EME2: variants seen among roughly 807,000 people sequenced by gnomAD.
EME2 encodes the protein structure-specific endonuclease subunit EME2.
Under a neutral mutation model 41.9 loss-of-function variants are expected in EME2, and 58 were observed. That is an observed-to-expected ratio of 1.38 (90% CI 1.12 to 1.72). EME2 has a LOEUF of 1.72. Among genes scored for constraint, EME2 ranks in the 40% most tolerant of loss-of-function variants. EME2 has a pLI of 0.00. For synonymous variants in EME2, 334 were observed against 239.3 expected (o/e 1.40, Z -3.65); for missense variants, 695 against 541.9 (o/e 1.28, Z -2.81).
In EME2 at chr16:1,777,520, C is replaced by T. The variant is rs370689948; in HGVS notation, c.*1282C>T. On this transcript the variant is annotated 3_prime_UTR_variant, in exon 8 of 8. Transcript: ENST00000568449. ...TGGGCGCAGCCCCTCAGACCTCACG[C>T]TACAGTCACCCGGGTGGGCAGCTGG... is the stretch of plus-strand genomic sequence containing the variant. 2 of 1,410,742 alleles carry T rather than the reference C, an allele frequency of 1.4e-6. No homozygotes were observed. Among genetic ancestry groups the T allele is most frequent in the South Asian group, 1.4e-5 (1 of 69,022 alleles). 87.4% of individuals were successfully genotyped at this position (1,410,742 alleles called of 1,614,324 possible).
rs776343999 is a variant in EME2, at chr16:1,775,148, A to G, written c.569+16A>G. On this transcript the variant is annotated intron_variant, in intron 4 of 7. Coordinates refer to ENST00000568449, the MANE Select transcript of EME2 (RefSeq NM_001257370.2). ...CCTACCTGTGGTACCGCTCACTCTCATGCCCACAGCAGGGCTGGCTGGGAC... is the reference window on the plus strand; with the variant it reads ...CCTACCTGTGGTACCGCTCACTCTCGTGCCCACAGCAGGGCTGGCTGGGAC... The G allele has an allele frequency of 1.2e-6, 2 of 1,609,720 alleles. No homozygotes were observed. The highest frequency in any genetic ancestry group is 1.7e-5 in the Admixed American group (1 of 60,022).
At position 1,780,588 on chromosome 16, in the gene EME2, G is replaced by A. The variant is rs1249291146; in HGVS notation, c.*4350G>A. 3 of 153,152 alleles carry A rather than the reference G, an allele frequency of 2.0e-5. No individual in the cohort carries two copies. Among genetic ancestry groups the A allele is most frequent in the South Asian group, 2.0e-4 (1 of 4,912 alleles). The allele number at this position is 153,152 out of a possible 1,614,324, so 9.5% of individuals were successfully genotyped here. A position where few individuals can be genotyped will look rare whatever the true frequency, so the allele number is the denominator to read the frequency against. On this transcript the variant is annotated 3_prime_UTR_variant, in exon 8 of 8. Transcript: ENST00000568449. The stretch of plus-strand genomic sequence containing the variant: ...AGAAATTTTTACCTTCAAGGATCAG[G>A]GTTTTTCTGTTTGTTTGTTTTTTAA...
At position 1,777,484 on chromosome 16, in the gene EME2, G is replaced by C. The variant is rs1353266968; in HGVS notation, c.*1246G>C. ...CCAGCCTGAACCCCAGGCAGGGAAGGGGCCAGCTACTGGGCGCAGCCCCTC... is the reference window on the plus strand; with the variant it reads ...CCAGCCTGAACCCCAGGCAGGGAAGCGGCCAGCTACTGGGCGCAGCCCCTC... On this transcript the variant is annotated 3_prime_UTR_variant, in exon 8 of 8. Transcript: ENST00000568449. The C allele has an allele frequency of 2.1e-6, 3 of 1,457,590 alleles. No individual in the cohort carries two copies. Among genetic ancestry groups the C allele is most frequent in the African/African-American group, 2.8e-5 (2 of 70,754 alleles). The allele number at this position is 1,457,590 out of a possible 1,614,324, so 90.3% of individuals were successfully genotyped here.
Position 1,781,326 on chromosome 16 carries a change from C to T in EME2, c.*5088C>T. 1 of 1,612,868 alleles carries T rather than the reference C, an allele frequency of 6.2e-7. No individual in the cohort carries two copies. Among genetic ancestry groups the T allele is most frequent in the East Asian group, 2.2e-5 (1 of 44,884 alleles). On this transcript the variant is annotated 3_prime_UTR_variant, in exon 8 of 8. Coordinates refer to ENST00000568449, the MANE Select transcript of EME2 (RefSeq NM_001257370.2). ...CCTAGGGCATCTCCACACCTTAGGC[C>T]AGCCACGTCCGCCTCGCCCGCTGGA...
chr16:1,774,278 G>A lies in EME2; in HGVS notation c.403G>A (p.Ala135Thr), dbSNP rs1011860303. Residue 135 changes from alanine (A) to threonine (T), a missense_variant, in exon 3 of 8, where the codon GCT (alanine) becomes ACT (threonine). Coordinates refer to ENST00000568449, the MANE Select transcript of EME2 (RefSeq NM_001257370.2). ...CCCACAGCTGCCTCCTGAAGTGTGG[G>A]CTGCAGGTGAACAGGAATTGCTGCT... is the stretch of plus-strand genomic sequence containing the variant. ...CPRSLPPEVW[A>T]AGEQELLLLL... The A allele has an allele frequency of 2.5e-6, 4 of 1,612,614 alleles. No individual in the cohort carries two copies. Among genetic ancestry groups the A allele is most frequent in the African/African-American group, 2.7e-5 (2 of 74,954 alleles).
Position 1,778,586 on chromosome 16 carries a change from C to G in EME2, c.*2348C>G. 6.3e-7 allele frequency: 1 copy of G among 1,582,230 alleles called. No homozygotes were observed. Among genetic ancestry groups the G allele is most frequent in the Non-Finnish European group, 8.6e-7 (1 of 1,160,264 alleles). On this transcript the variant is annotated 3_prime_UTR_variant, in exon 8 of 8. Transcript: ENST00000568449. ...GGATGGATGGCGGCAGCGTGGAGTA[C>G]TCGGGGTCGGAGTCCGAGTCGCTGT...
At position 1,773,145 on chromosome 16, in the gene EME2, G is replaced by A; in HGVS notation, c.-83G>A. The A allele has an allele frequency of 7.2e-7, 1 of 1,393,564 alleles. No homozygotes were observed. 86.3% of individuals were successfully genotyped at this position (1,393,564 alleles called of 1,614,324 possible). A position where few individuals can be genotyped will look rare whatever the true frequency, so the allele number is the denominator to read the frequency against. On this transcript the variant is annotated 5_prime_UTR_variant, in exon 1 of 8. Transcript: ENST00000568449. ...GGCGGGTCCGCGTCCTCAGCGGTCCGGCCGGAAGTCACCGGAAGAGGCCGG... is the reference window on the plus strand; with the variant it reads ...GGCGGGTCCGCGTCCTCAGCGGTCCAGCCGGAAGTCACCGGAAGAGGCCGG...
In EME2 at chr16:1,781,181, A is replaced by G. The variant is rs1896693216; in HGVS notation, c.*4943A>G. On this transcript the variant is annotated 3_prime_UTR_variant, in exon 8 of 8. Coordinates refer to ENST00000568449, the MANE Select transcript of EME2 (RefSeq NM_001257370.2). ...GGCTGTGTGTGTCCTTTGCCAAATT[A>G]AAGAGTCTTACTGAATGCGGTGCAT... 2 of 1,538,118 alleles carry G rather than the reference A, an allele frequency of 1.3e-6. No homozygotes were observed. Among genetic ancestry groups the G allele is most frequent in the South Asian group, 1.2e-5 (1 of 84,082 alleles).
intron 3 of EME2, among the ~76,000 whole-genome samples, chr16:1,774,566 AT>A (rs1298660053): frequency 1.3e-5 from 2 of 152,232 alleles, no homozygotes; most frequent in African/African-American, 4.8e-5. Context: ...CTCCTAGAGG[AT>A]CCTGAGAAGT....
chr16:1,774,502 G>A (rs2042680106), intron 3 of EME2, 150 bp downstream of exon 3: 3 of 645,726 alleles, frequency 4.6e-6, no homozygotes, highest in Middle Eastern at 4.1e-4. Flanking sequence ...AAGCCGTAGA[G>A]GTTTCTAGGG....
In EME2 at chr16:1,778,970, A is replaced by G; in HGVS notation, c.*2732A>G. On this transcript the variant is annotated 3_prime_UTR_variant, in exon 8 of 8. Transcript: ENST00000568449. ...CTAGGCCAGCCCTGCAGGGGCCCCC[A>G]GGCAAGGCCACCACCCCCACACCAG... 4.9e-6 allele frequency: 1 copy of G among 202,962 alleles called. No homozygotes were observed. The highest frequency in any genetic ancestry group is 9.9e-6 in the Non-Finnish European group (1 of 101,260). 12.6% of individuals were successfully genotyped at this position (202,962 alleles called of 1,614,324 possible).
At position 1,775,815 on chromosome 16, in the gene EME2, G is replaced by A; in HGVS notation, c.798G>A (p.Gln266=). 1 of 1,612,588 alleles carries A rather than the reference G, an allele frequency of 6.2e-7. No individual in the cohort carries two copies. Among genetic ancestry groups the A allele is most frequent in the East Asian group, 2.2e-5 (1 of 44,876 alleles). Residue 266 remains glutamine, a synonymous_variant, in exon 7 of 8, where the codon CAG becomes CAA. Coordinates refer to ENST00000568449, the MANE Select transcript of EME2 (RefSeq NM_001257370.2). Reference sequence around the variant, plus strand: ...TCCCCAGGCAGTACCGGGAATCCCAGGCCTTCTCCTTCTGCACAGCAGGGC... The same window carrying A: ...TCCCCAGGCAGTACCGGGAATCCCAAGCCTTCTCCTTCTGCACAGCAGGGC... ...QYPLKQYRES[Q]AFSFCTAGRW... is the part of the protein sequence containing the mutation.
rs1308110717 is a variant in EME2, at chr16:1,776,360, G to A, written c.*122G>A. Reference sequence around the variant, plus strand: ...CCTGGGTGGGTTCTCTGGCTGAGCAGGTCTGACCTCAGGGGAAGGGTGGGT... The same window carrying A: ...CCTGGGTGGGTTCTCTGGCTGAGCAAGTCTGACCTCAGGGGAAGGGTGGGT... On this transcript the variant is annotated 3_prime_UTR_variant, in exon 8 of 8. Coordinates refer to ENST00000568449, the MANE Select transcript of EME2 (RefSeq NM_001257370.2). The A allele has an allele frequency of 4.3e-5, 41 of 949,046 alleles. 1 individual carries two copies. In the Admixed American group the frequency reaches 9.2e-4, roughly 21 times the overall value. 58.8% of individuals were successfully genotyped at this position (949,046 alleles called of 1,614,324 possible). A position where few individuals can be genotyped will look rare whatever the true frequency, so the allele number is the denominator to read the frequency against.
At position 1,777,707 on chromosome 16, in the gene EME2, G is replaced by C. The variant is rs923255942; in HGVS notation, c.*1469G>C. 1.2e-6 allele frequency: 2 copies of C among 1,603,566 alleles called. No homozygotes were observed. Among genetic ancestry groups the C allele is most frequent in the East Asian group, 2.2e-5 (1 of 44,688 alleles). Reference sequence around the variant, plus strand: ...GGGCGGGGTGGCTGCCTCCCTCGGGGTGACAGCTGAGAGGAGCTCAAGTCC... The same window carrying C: ...GGGCGGGGTGGCTGCCTCCCTCGGGCTGACAGCTGAGAGGAGCTCAAGTCC... On this transcript the variant is annotated 3_prime_UTR_variant, in exon 8 of 8. Coordinates refer to ENST00000568449, the MANE Select transcript of EME2 (RefSeq NM_001257370.2).
At chr16:1,774,422 C>T in intron 3 of EME2, 70 bp downstream of exon 3, 3 of 1,285,392 alleles carry the variant, frequency 2.3e-6, no homozygotes, top group Non-Finnish European at 3.4e-6. Context: ...GGCGCCTGCT[C>T]CGCCGGTCCC....
At position 1,780,887 on chromosome 16, in the gene EME2, C is replaced by T. The variant is rs1225817289; in HGVS notation, c.*4649C>T. ...CGTTGGGACTACAGGCACGTGCCACCACGCCTGACACATTTTTTAAATTTT... is the reference window on the plus strand; with the variant it reads ...CGTTGGGACTACAGGCACGTGCCACTACGCCTGACACATTTTTTAAATTTT... On this transcript the variant is annotated 3_prime_UTR_variant, in exon 8 of 8. Transcript: ENST00000568449. The T allele has an allele frequency of 3.6e-5, 12 of 332,360 alleles. 1 individual carries two copies. The highest frequency in any genetic ancestry group is 5.3e-5 in the Non-Finnish European group (9 of 169,450). The allele number at this position is 332,360 out of a possible 1,614,324, so 20.6% of individuals were successfully genotyped here. A position where few individuals can be genotyped will look rare whatever the true frequency, so the allele number is the denominator to read the frequency against.
chr16:1,778,617 G>C lies in EME2; in HGVS notation c.*2379G>C, dbSNP rs769547421. The C allele has an allele frequency of 1.9e-6, 3 of 1,541,936 alleles. No individual in the cohort carries two copies. The Admixed American group carries it at 5.5e-5, about 28-fold the overall frequency. On this transcript the variant is annotated 3_prime_UTR_variant, in exon 8 of 8. Coordinates refer to ENST00000568449, the MANE Select transcript of EME2 (RefSeq NM_001257370.2). ...GTCGGAGTCCGAGTCGCTGTGCTGG[G>C]AGAGAAGGGCCGGCTGTTACTACCT...
rs375492515 is a variant in EME2, at chr16:1,781,081, C to T, written c.*4843C>T. The T allele has an allele frequency of 8.0e-7, 1 of 1,242,308 alleles. No homozygotes were observed. The highest frequency in any genetic ancestry group is 1.1e-6 in the Non-Finnish European group (1 of 922,058). 77.0% of individuals were successfully genotyped at this position (1,242,308 alleles called of 1,614,324 possible). ...ATGAACCAAAAGCAACTGCCAACCT[C>T]TCCATGCACCATGTGTTTCAGAGGA... is the stretch of plus-strand genomic sequence containing the variant. On this transcript the variant is annotated 3_prime_UTR_variant, in exon 8 of 8. Coordinates refer to ENST00000568449, the MANE Select transcript of EME2 (RefSeq NM_001257370.2).
chr16:1,781,631 C>T lies in EME2; in HGVS notation c.*5393C>T. The T allele has an allele frequency of 1.1e-6, 1 of 883,326 alleles. No homozygotes were observed. Among genetic ancestry groups the T allele is most frequent in the Non-Finnish European group, 1.7e-6 (1 of 584,364 alleles). 54.7% of individuals were successfully genotyped at this position (883,326 alleles called of 1,614,324 possible). On this transcript the variant is annotated 3_prime_UTR_variant, in exon 8 of 8. Transcript: ENST00000568449. ...GGTGCCCAGCCAGGGCTCCAGAACGCTTCAGGAGCCCGTACCTCACTCCAG... is the reference window on the plus strand; with the variant it reads ...GGTGCCCAGCCAGGGCTCCAGAACGTTTCAGGAGCCCGTACCTCACTCCAG...
Sources: allele counts gnomAD v4.1 joint callset (sites outside exome capture counted in the v4.1 genomes callset), GRCh38; gene constraint gnomAD v4.1.1; transcripts MANE v1.5; gene names NCBI Gene and HGNC (gene_info 2026-07-23, HGNC 2026-07-21).